Variants in ZNF799 observed in about 807,000 individuals in gnomAD.
The protein encoded by ZNF799 is zinc finger protein 14.
In ZNF799, 28 loss-of-function variants were observed where a neutral mutation model predicts 41.0. That is an observed-to-expected ratio of 0.68 (90% CI 0.51 to 0.94). The LOEUF (loss-of-function observed/expected upper bound fraction) is 0.94. Ranked by LOEUF, ZNF799 falls within the 40% of genes least tolerant of loss-of-function variation. ZNF799 has a pLI of 0.00. For missense variants in ZNF799, 716 were observed against 764.3 expected, an observed-to-expected ratio of 0.94 and a Z score of 0.74; for synonymous variants, 213 against 252.9, an observed-to-expected ratio of 0.84 and a Z score of 1.50.
Position 12,390,275 on chromosome 19 carries a change from C to T in ZNF799, c.*191G>A. The T allele has an allele frequency of 2.0e-6, 2 of 994,014 alleles. No homozygotes were observed. The highest frequency in any genetic ancestry group is 2.6e-5 in the East Asian group (1 of 38,272). 61.6% of individuals were successfully genotyped at this position (994,014 alleles called of 1,614,324 possible). ...ATTTTATAAAAGGGACTGGACATGG[C>T]TCACGGAGTGCTGGAACCAATACCC... On this transcript the variant is annotated 3_prime_UTR_variant, in exon 4 of 4. Coordinates refer to ENST00000430385, the MANE Select transcript of ZNF799 (RefSeq NM_001080821.3).
At position 12,390,806 on chromosome 19, in the gene ZNF799, G is replaced by A. The variant is rs370276871; in HGVS notation, c.1592C>T (p.Pro531Leu). The A allele has an allele frequency of 7.4e-6, 12 of 1,613,946 alleles. No individual in the cohort carries two copies. The highest frequency in any genetic ancestry group is 2.7e-5 in the African/African-American group (2 of 74,900). Residue 531 changes from proline (P) to leucine (L), a missense_variant, in exon 4 of 4, where the codon CCG becomes CTG. Pro to Leu is a moderately conservative substitution (Grantham distance 98, BLOSUM62 -3). Transcript: ENST00000430385. The part of the protein sequence containing the change: ...VHERIHSGEK[P>L]YECKECGKAF... ...TTTCCCACATTCCTTACATTCATAC[G>A]GCTTCTCTCCAGAGTGAATTCTTTC...
rs1157089584 is a variant in ZNF799, at chr19:12,391,389, G to C, written c.1009C>G (p.His337Asp). 8 of 1,613,954 alleles carry C rather than the reference G, an allele frequency of 5.0e-6. 1 individual carries two copies. In the South Asian group the frequency reaches 8.8e-5, roughly 18 times the overall value. ...HMVMHTRDGP[H>D]KCKICGKGFD... is the part of the protein sequence containing the mutation. ...CCTTTTCCACATATCTTACACTTATGAGGTCCATCTCTCGTGTGCATTACC... is the reference window on the plus strand; with the variant it reads ...CCTTTTCCACATATCTTACACTTATCAGGTCCATCTCTCGTGTGCATTACC... Residue 337 changes from histidine to aspartate, a missense_variant, in exon 4 of 4, where the codon CAT becomes GAT. Physicochemically the swap from His to Asp is moderately conservative, Grantham distance 81. Around this residue, in one of 2 missense-constraint regions of ZNF799, gnomAD observed 698 missense variants for 713.6 expected, o/e 0.98. Coordinates refer to ENST00000430385, the MANE Select transcript of ZNF799 (RefSeq NM_001080821.3).
At chr19:12,410,891 G>A in the ZNF799 span, among the ~76,000 whole-genome samples, 10 of 152,248 alleles carry the variant, frequency 6.6e-5, no homozygotes, top group African/African-American at 1.4e-4. Context: ...CATGTAATAC[G>A]AACGGGCATA....
the ZNF799 span, among the ~76,000 whole-genome samples, chr19:12,409,163 C>G: frequency 2.0e-5 from 3 of 152,074 alleles, no homozygotes; most frequent in African/African-American, 4.8e-5. Context: ...ACTGTTCCAC[C>G]TCACATCATC....
upstream of ZNF799, chr19:12,401,388 T>A: frequency 1.5e-6 from 1 of 646,066 alleles, no homozygotes. Flanking sequence ...GATGAGCAAG[T>A]TCCTGACACA....
chr19:12,394,611 C>T (rs956817617), intron 1 of ZNF799: 2 of 985,260 alleles, frequency 2.0e-6, no homozygotes, highest in African/African-American at 3.5e-5. Context: ...AAAGATATTA[C>T]ACCACCTCAA....
At chr19:12,406,659 G>A in the ZNF799 span, among the ~76,000 whole-genome samples, 1 of 152,118 alleles carries the variant, frequency 6.6e-6, no homozygotes, top group South Asian at 2.1e-4. Context: ...CCAGTACTTT[G>A]GGAGGCCAAA....
chr19:12,415,082 C>A, the ZNF799 span, among the ~76,000 whole-genome samples: 1 of 152,164 alleles, frequency 6.6e-6, no homozygotes, highest in African/African-American at 2.4e-5. Flanking sequence ...GTGGCTCATG[C>A]CTGTAATCCT....
chr19:12,406,323 CAA>C, the ZNF799 span, among the ~76,000 whole-genome samples: 4,066 of 139,436 alleles, frequency 0.029, 190 homozygotes, highest in African/African-American at 0.1. Flanking sequence ...ACTAAAAATA[CAA>C]AAAAAAAAAA....
upstream of ZNF799, among the ~76,000 whole-genome samples, chr19:12,402,939 T>C (rs909841440): frequency 5.3e-5 from 8 of 152,236 alleles, no homozygotes; most frequent in African/African-American, 1.9e-4. Flanking sequence ...CAAAGTAATA[T>C]TGGCTTTGTA....
rs376647936 is a variant in ZNF799 at position 12,392,022 on chromosome 19, C to T, written c.376G>A (p.Ala126Thr). 1 of 1,614,190 alleles carries T rather than the reference C, an allele frequency of 6.2e-7. No homozygotes were observed. Among genetic ancestry groups the T allele is most frequent in the Non-Finnish European group, 8.5e-7 (1 of 1,180,022 alleles). ...TGATACTCATATGGTTTGTGCCCAG[C>T]ACCAACTCTGATGTAACAATTAAGG... ...SSLNCYIRVG[A>T]GHKPYEYHEC... Residue 126 changes from alanine (A) to threonine (T), a missense_variant, in exon 4 of 4, where the codon GCT (alanine) becomes ACT (threonine). Physicochemically the swap from Ala to Thr is moderately conservative, Grantham distance 58. Coordinates refer to ENST00000430385, the MANE Select transcript of ZNF799 (RefSeq NM_001080821.3).
At chr19:12,411,027 T>C in the ZNF799 span, among the ~76,000 whole-genome samples, 2 of 152,218 alleles carry the variant, frequency 1.3e-5, no homozygotes, top group African/African-American at 4.8e-5. Context: ...TTCTACAATC[T>C]CTTCTGAAAA....
In ZNF799 at chr19:12,392,668, A is replaced by G. The variant is rs767604102; in HGVS notation, c.131-5T>C. On this transcript the variant is annotated splice_region_variant and splice_polypyrimidine_tract_variant and intron_variant, in intron 2 of 3. Transcript: ENST00000430385. ...TCTGGTCTTTCCATTTCATTCCTAA[A>G]AGGTATACACAGAAAAATCATTACA... The G allele has an allele frequency of 6.3e-6, 10 of 1,593,934 alleles. No homozygotes were observed. In the African/African-American group the frequency reaches 1.1e-4, roughly 17 times the overall value.
In ZNF799 at chr19:12,391,827, G is replaced by A; in HGVS notation, c.571C>T (p.Gln191Ter). 2 of 1,614,148 alleles carry A rather than the reference G, an allele frequency of 1.2e-6. No individual in the cohort carries two copies. Among genetic ancestry groups the A allele is most frequent in the Non-Finnish European group, 1.7e-6 (2 of 1,180,002 alleles). Residue 191 changes from glutamine (Q) to a stop codon, truncating the protein, a stop_gained, in exon 4 of 4, where the codon CAG (glutamine) becomes TAG (stop). Transcript: ENST00000430385. LOFTEE classifies it low-confidence loss of function (END_TRUNC). ...CATTTATAAGGTCCATCTCCACGCTGCACTGCCATGTGTCTTTGAAGGTTT... is the reference window on the plus strand; with the variant it reads ...CATTTATAAGGTCCATCTCCACGCTACACTGCCATGTGTCTTTGAAGGTTT... ...LGNLQRHMAVQRGDGPYKCKL... is the reference protein window; with the variant it reads ...LGNLQRHMAV
chr19:12,390,717 C>T lies in ZNF799; in HGVS notation c.1681G>A (p.Glu561Lys). The T allele has an allele frequency of 6.2e-7, 1 of 1,613,778 alleles. No homozygotes were observed. Among genetic ancestry groups the T allele is most frequent in the African/African-American group, 1.3e-5 (1 of 74,992 alleles). The stretch of plus-strand genomic sequence containing the variant: ...AAGGCTTTACCACATTGTTGACACT[C>T]ATAGGGTTTCTCTCTCATGTGAATT... ...ERIHMREKPY[E>K]CQQCGKAFTH... Residue 561 changes from glutamate to lysine, a missense_variant, in exon 4 of 4, where the codon GAG (glutamate) becomes AAG (lysine). Glu to Lys is a moderately conservative substitution (Grantham distance 56). Coordinates refer to ENST00000430385, the MANE Select transcript of ZNF799 (RefSeq NM_001080821.3).
Position 12,390,619 on chromosome 19 carries a change from A to G in ZNF799, c.1779T>C (p.Cys593=), listed in dbSNP as rs1369884916. 5 of 1,613,764 alleles carry G rather than the reference A, an allele frequency of 3.1e-6. No individual in the cohort carries two copies. The change falls in exon 4 of 4, where the codon TGT becomes TGC. Residue 593 remains cysteine (C), a synonymous_variant. Coordinates refer to ENST00000430385, the MANE Select transcript of ZNF799 (RefSeq NM_001080821.3). The part of the protein sequence containing the change: ...TGENPYECKE[C]GKAFASLSSL... The stretch of plus-strand genomic sequence containing the variant: ...AACTGAGAGAAGCAAATGCTTTCCC[A>G]CATTCCTTACATTCATACGGGTTCT...
chr19:12,405,163 G>A (rs1970021073), upstream of ZNF799, among the ~76,000 whole-genome samples: 1 of 152,068 alleles, frequency 6.6e-6, no homozygotes, highest in South Asian at 2.1e-4. Flanking sequence ...TCAGTTTGCA[G>A]ACAGCCTATT....
upstream of ZNF799, among the ~76,000 whole-genome samples, chr19:12,404,150 C>A (rs1448718836): frequency 6.6e-6 from 1 of 152,122 alleles, no homozygotes; most frequent in Non-Finnish European, 1.5e-5. Flanking sequence ...AGTTTTAAGA[C>A]ATGCTTTTTG....
chr19:12,402,836 T>C (rs971996584), upstream of ZNF799, among the ~76,000 whole-genome samples: 5 of 152,130 alleles, frequency 3.3e-5, no homozygotes, highest in Non-Finnish European at 5.9e-5. Flanking sequence ...TTCAGTTTGC[T>C]AGTATTGAGT....
Sources: gnomAD v4.1 joint callset for allele counts (sites outside exome capture counted in the v4.1 genomes callset) on GRCh38, gnomAD v4.1.1 for gene constraint, gnomAD v4.1.1 regional missense constraint, MANE v1.5 for transcripts, NCBI Gene and HGNC (gene_info 2026-07-23, HGNC 2026-07-21) for gene names.